Variants in ABCA4 observed in about 807,000 individuals in gnomAD.
ABCA4 encodes ATP binding cassette subfamily A member 4.
A neutral mutation model predicts 263.7 loss-of-function variants in ABCA4; 196 were observed. The ratio of observed to expected loss-of-function variants is 0.74; its 90% CI spans 0.66 to 0.84. The LOEUF is 0.84. ABCA4 is among the 40% of genes least tolerant of loss of function. ABCA4 has a pLI of 0.00. For missense variants in ABCA4, 2,792 were observed against 2,855.1 expected, an observed-to-expected ratio of 0.98 and a Z score of 0.50; for synonymous variants, 1,133 against 1,094.2, an observed-to-expected ratio of 1.04 and a Z score of -0.70.
intron 26 of ABCA4, 133 bp from the exon 27 acceptor site, chr1:94,032,176 CTTAAT>C: frequency 9.5e-7 from 1 of 1,056,700 alleles, no homozygotes; most frequent in South Asian, 1.4e-5. Flanking sequence ...AGGCTGGTAG[CTTAAT>C]CATCTTTATA....
chr1:94,026,862 A>C (rs11808257), intron 30 of ABCA4, among the ~76,000 whole-genome samples: 5,012 of 152,128 alleles, frequency 0.033, 278 homozygotes, highest in African/African-American at 0.12. Context: ...TTCCAGGCTG[A>C]ATGAGGGATT....
At chr1:94,049,965 G>A (rs1660789051) in intron 17 of ABCA4, among the ~76,000 whole-genome samples, 1 of 152,172 alleles carries the variant, frequency 6.6e-6, no homozygotes, top group South Asian at 2.1e-4. Flanking sequence ...GCAGGGGCAG[G>A]AGGAAACCAC....
intron 40 of ABCA4, among the ~76,000 whole-genome samples, 178 bp from the exon 41 acceptor site, chr1:94,009,049 G>C (rs1471373386): frequency 5.9e-5 from 9 of 152,076 alleles, no homozygotes; most frequent in Admixed American, 4.6e-4. Flanking sequence ...AGGTAGAGAG[G>C]TCAGGTGCTC....
chr1:94,021,473 A>T, intron 34 of ABCA4, 64 bp from the exon 35 acceptor site: 1 of 1,607,198 alleles, frequency 6.2e-7, no homozygotes, highest in Non-Finnish European at 8.5e-7. Context: ...AAATCAGTGA[A>T]GGAAAGGAAA....
Position 94,037,328 on chromosome 1 carries a change from A to G in ABCA4, c.3630T>C (p.Asp1210=), listed in dbSNP as rs201619839. Residue 1210 remains aspartate, a synonymous_variant, in exon 25 of 50, where the codon GAT becomes GAC. Coordinates refer to ENST00000370225, the MANE Select transcript of ABCA4 (RefSeq NM_000350.3). Reference sequence around the variant, plus strand: ...CCTCTGGAACATGGTGGAGAACTACATCCATCAGCTCATTTACATCCCCTA... The same window carrying G: ...CCTCTGGAACATGGTGGAGAACTACGTCCATCAGCTCATTTACATCCCCTA... The part of the protein sequence containing the change: ...VLDGDVNELM[D]VVLHHVPEAK... 5 of 1,614,192 alleles carry G rather than the reference A, an allele frequency of 3.1e-6. No homozygotes were observed. The African/African-American group carries it at 5.3e-5, about 17-fold the overall frequency.
rs1388683713 is a variant in ABCA4, at chr1:94,015,870, G to T, written c.5197-16C>A. 1 of 1,604,584 alleles carries T rather than the reference G, an allele frequency of 6.2e-7. No homozygotes were observed. Among genetic ancestry groups the T allele is most frequent in the Non-Finnish European group, 8.5e-7 (1 of 1,174,396 alleles). ...AATAATTCATCTCGGAAAGAGAAGA[G>T]GAGAGCAAGTCACTTAACCTCTCAG... On this transcript the variant is annotated splice_polypyrimidine_tract_variant and intron_variant, in intron 36 of 49. Coordinates refer to ENST00000370225, the MANE Select transcript of ABCA4 (RefSeq NM_000350.3).
rs371777196 is a variant in ABCA4, at chr1:94,014,540, C to A, written c.5460+3G>T. ...ACAAAAAAGCCAAGAAAGTTATGCT[C>A]ACCCGGTTATTCTCAAATAATTCCA... On this transcript the variant is annotated splice_donor_region_variant and intron_variant, in intron 38 of 49. Transcript: ENST00000370225. 6.2e-7 allele frequency: 1 copy of A among 1,614,058 alleles called. No individual in the cohort carries two copies. The highest frequency in any genetic ancestry group is 8.5e-7 in the Non-Finnish European group (1 of 1,180,032).
At chr1:94,035,617 A>T (rs1000801170) in intron 26 of ABCA4, among the ~76,000 whole-genome samples, 5 of 152,232 alleles carry the variant, frequency 3.3e-5, no homozygotes, top group African/African-American at 9.6e-5. Flanking sequence ...AAACACTGAA[A>T]TATGCCACAC....
rs1302088524 is a variant in ABCA4, at chr1:94,048,876, C to T, written c.2735G>A (p.Gly912Glu). Residue 912 changes from glycine (G) to glutamate (E), a missense_variant, in exon 18 of 50, where the codon GGA (glycine) becomes GAA (glutamate). Physicochemically the swap from Gly to Glu is moderately conservative, Grantham distance 98 (BLOSUM62 -2). Coordinates refer to ENST00000370225, the MANE Select transcript of ABCA4 (RefSeq NM_000350.3). ...EETEDPEHPE[G>E]IHDSFFEREH... Reference sequence around the variant, plus strand: ...CTTTATCGGGGTTTTACCGTGTATTCCTTCTGGGTGCTCTGGATCCTCCGT... The same window carrying T: ...CTTTATCGGGGTTTTACCGTGTATTTCTTCTGGGTGCTCTGGATCCTCCGT... The T allele has an allele frequency of 6.2e-7, 1 of 1,613,994 alleles. No homozygotes were observed. The highest frequency in any genetic ancestry group is 8.5e-7 in the Non-Finnish European group (1 of 1,180,030).
chr1:94,043,024 T>G, intron 21 of ABCA4, 126 bp from the exon 22 acceptor site: 2 of 1,393,602 alleles, frequency 1.4e-6, no homozygotes, highest in Non-Finnish European at 2.0e-6. Context: ...TCTTAGATGT[T>G]TATAGCGTTC....
At chr1:94,107,193 G>A (rs1662457448) in intron 4 of ABCA4, among the ~76,000 whole-genome samples, 3 of 152,088 alleles carry the variant, frequency 2.0e-5, no homozygotes, top group African/African-American at 2.4e-5. Flanking sequence ...TAACCTCTAA[G>A]GTCATCCTTA....
intron 3 of ABCA4, 73 bp downstream of exon 3, chr1:94,111,365 C>T (rs142851590): frequency 2.7e-5 from 43 of 1,571,840 alleles, no homozygotes; most frequent in Middle Eastern, 2.0e-4. Flanking sequence ...GCTCCGTGCA[C>T]GCACGTGTGC....
At chr1:94,099,129 T>A (rs969688500) in intron 5 of ABCA4, 138 bp from the exon 6 acceptor site, 3 of 982,030 alleles carry the variant, frequency 3.1e-6, no homozygotes, top group Non-Finnish European at 4.6e-6. Context: ...AGCCACTGAT[T>A]AGCTGATTTT....
At chr1:94,043,825 C>A (rs1660589509) in intron 20 of ABCA4, among the ~76,000 whole-genome samples, 1 of 151,480 alleles carries the variant, frequency 6.6e-6, no homozygotes, top group East Asian at 1.9e-4. Context: ...TTTTACTATT[C>A]TTTATCATTT....
chr1:94,083,536 T>A (rs1185332042), intron 6 of ABCA4, 95 bp from the exon 7 acceptor site: 14 of 846,884 alleles, frequency 1.7e-5, no homozygotes, highest in Non-Finnish European at 2.5e-5. Context: ...GTTTGAAAAC[T>A]CCCCCCCTCC....
chr1:94,022,158 G>C (rs1214542965), intron 32 of ABCA4, among the ~76,000 whole-genome samples: 2 of 152,318 alleles, frequency 1.3e-5, no homozygotes, highest in East Asian at 3.9e-4. Context: ...CCTGGCCTCT[G>C]AGGCCCTTCT....
chr1:94,056,548 G>A (rs1412068035), intron 15 of ABCA4, 53 bp downstream of exon 15: 11 of 1,572,980 alleles, frequency 7.0e-6, no homozygotes, highest in South Asian at 1.1e-5. Context: ...GGACTGCTAC[G>A]GACCCTTCCA....
chr1:94,063,746 C>G (rs1661192834), intron 11 of ABCA4, among the ~76,000 whole-genome samples: 1 of 152,182 alleles, frequency 6.6e-6, no homozygotes, highest in Non-Finnish European at 1.5e-5. Flanking sequence ...ACATTCCTAG[C>G]CTTGAACCTT....
intron 4 of ABCA4, among the ~76,000 whole-genome samples, chr1:94,104,190 C>G (rs1385128101): frequency 6.6e-6 from 1 of 152,182 alleles, no homozygotes; most frequent in Admixed American, 6.5e-5. Flanking sequence ...CCTGCTAGTG[C>G]TATAGTTCAT....
Sources: allele counts gnomAD v4.1 joint callset (sites outside exome capture counted in the v4.1 genomes callset), GRCh38; gene constraint gnomAD v4.1.1; transcripts MANE v1.5; gene names NCBI Gene and HGNC (gene_info 2026-07-23, HGNC 2026-07-21).